The following PARD3B variants were observed in gnomAD, a reference collection of about 807,000 sequenced individuals.
The protein encoded by PARD3B is par-3 family cell polarity regulator beta.
Under a neutral mutation model 130.2 loss-of-function variants are expected in PARD3B, and 103 were observed. The observed-to-expected ratio is 0.79, with a 90% CI of 0.67 to 0.93. The LOEUF (loss-of-function observed/expected upper bound fraction) is 0.93, where lower values mean the gene tolerates loss of function less well. PARD3B is among the 40% of genes least tolerant of loss of function. PARD3B has a pLI of 0.00. For missense variants in PARD3B, 1,609 were observed against 1,499.2 expected (o/e 1.07, Z -1.21); for synonymous variants, 583 against 553.2 (o/e 1.05, Z -0.76).
intron 18 of PARD3B, among the ~76,000 whole-genome samples, chr2:205,353,800 A>C (rs1574784031): frequency 1.3e-5 from 2 of 152,286 alleles, no homozygotes; most frequent in East Asian, 3.9e-4. Flanking sequence ...AGAAACAAAA[A>C]CATAGTGAAA....
intron 18 of PARD3B, among the ~76,000 whole-genome samples, chr2:205,304,169 C>T (rs900986053): frequency 2.0e-5 from 3 of 152,178 alleles, no homozygotes; most frequent in Non-Finnish European, 2.9e-5. Context: ...AGTGAGCCTT[C>T]CCGTTACATT....
chr2:204,918,305 T>A (rs1164940371), intron 2 of PARD3B, among the ~76,000 whole-genome samples: 1 of 152,242 alleles, frequency 6.6e-6, no homozygotes, highest in South Asian at 2.1e-4. Flanking sequence ...AGAAATTTCT[T>A]TGCTAGACTT....
At chr2:204,892,281 A>T (rs111324119) in intron 2 of PARD3B, among the ~76,000 whole-genome samples, 2,732 of 152,176 alleles carry the variant, frequency 0.018, 55 homozygotes, top group East Asian at 0.11. Flanking sequence ...CTGTGGAGAG[A>T]GTTGGAGGTG....
At chr2:204,631,152 C>A (rs149916676) in intron 1 of PARD3B, among the ~76,000 whole-genome samples, 5 of 151,990 alleles carry the variant, frequency 3.3e-5, no homozygotes, top group Admixed American at 6.6e-5. Flanking sequence ...GTACAGCTAT[C>A]TTTTTCTCAT....
At chr2:205,077,219 G>A (rs1376774492) in intron 4 of PARD3B, among the ~76,000 whole-genome samples, 1 of 152,078 alleles carries the variant, frequency 6.6e-6, no homozygotes, top group Admixed American at 6.6e-5. Flanking sequence ...AAAGCCACAG[G>A]TACTTGAAAA....
intron 1 of PARD3B, among the ~76,000 whole-genome samples, chr2:204,563,214 GCTGTCTCTCTCTCT>G (rs1366141203): frequency 2.5e-4 from 14 of 55,022 alleles, no homozygotes; most frequent in African/African-American, 8.1e-4. Flanking sequence ...CCGTCTTCCC[GCTGTCTCTCTCTCT>G]CTCTCTCTCT....
At chr2:205,257,526 G>A (rs1029513355) in intron 16 of PARD3B, among the ~76,000 whole-genome samples, 6 of 152,124 alleles carry the variant, frequency 3.9e-5, no homozygotes, top group African/African-American at 1.4e-4. Flanking sequence ...ACTGTAGGTT[G>A]ATTTAGTAGT....
chr2:204,711,928 A>T (rs745363245), intron 2 of PARD3B, among the ~76,000 whole-genome samples: 2 of 152,172 alleles, frequency 1.3e-5, no homozygotes, highest in Non-Finnish European at 1.5e-5. Flanking sequence ...TGTAGTTGGA[A>T]ATGGAAGAAT....
chr2:205,534,055 CAAAAA>C (rs71410823), intron 21 of PARD3B, among the ~76,000 whole-genome samples: 2 of 129,418 alleles, frequency 1.5e-5, no homozygotes, highest in African/African-American at 3.0e-5. Flanking sequence ...GTGAAAAAGC[CAAAAA>C]AAAAAAAAAG....
chr2:205,029,125 A>G (rs1249573930), intron 3 of PARD3B, among the ~76,000 whole-genome samples: 4 of 152,156 alleles, frequency 2.6e-5, no homozygotes, highest in Non-Finnish European at 4.4e-5. Context: ...TGCTAGCCCT[A>G]TCTCAGTTTC....
intron 2 of PARD3B, among the ~76,000 whole-genome samples, chr2:204,716,481 C>T (rs2038732064): frequency 6.6e-6 from 1 of 152,044 alleles, no homozygotes; most frequent in African/African-American, 2.4e-5. Flanking sequence ...AGGAGTGACT[C>T]TTCAATGAGA....
chr2:204,635,252 C>T (rs1338933176), intron 1 of PARD3B, among the ~76,000 whole-genome samples: 1 of 152,110 alleles, frequency 6.6e-6, no homozygotes, highest in Non-Finnish European at 1.5e-5. Flanking sequence ...GGACGAGGAT[C>T]AGCTGTTTCT....
intron 2 of PARD3B, among the ~76,000 whole-genome samples, chr2:204,846,745 A>T (rs1380514862): frequency 6.6e-6 from 1 of 151,204 alleles, no homozygotes; most frequent in African/African-American, 2.4e-5. Flanking sequence ...TTCTTCGTAC[A>T]GATGACACAT....
intron 3 of PARD3B, among the ~76,000 whole-genome samples, chr2:204,978,328 A>G (rs778573548): frequency 3.9e-5 from 6 of 152,240 alleles, no homozygotes; most frequent in Admixed American, 6.5e-5. Context: ...ATTAATGTCT[A>G]TTAGGCATGG....
At chr2:205,033,366 T>C (rs1697561507) in intron 3 of PARD3B, among the ~76,000 whole-genome samples, 1 of 152,174 alleles carries the variant, frequency 6.6e-6, no homozygotes, top group African/African-American at 2.4e-5. Context: ...AACCAGTTCC[T>C]CAATACTTGA....
chr2:204,889,047 C>T (rs564042496), intron 2 of PARD3B, among the ~76,000 whole-genome samples: 1 of 152,248 alleles, frequency 6.6e-6, no homozygotes, highest in Non-Finnish European at 1.5e-5. Context: ...TTGCTGGACT[C>T]CCAGAGCTCA....
At chr2:204,849,668 C>G (rs566825223) in intron 2 of PARD3B, among the ~76,000 whole-genome samples, 1 of 152,126 alleles carries the variant, frequency 6.6e-6, no homozygotes, top group African/African-American at 2.4e-5. Context: ...GTTAGTGACA[C>G]GTTACTTAGC....
At chr2:204,804,202 C>A (rs145235159) in intron 2 of PARD3B, among the ~76,000 whole-genome samples, 1 of 152,092 alleles carries the variant, frequency 6.6e-6, no homozygotes, top group Non-Finnish European at 1.5e-5. Flanking sequence ...ATACTCCAGC[C>A]TAGGCGACAG....
chr2:205,609,849 A>G (rs185830173), intron 22 of PARD3B, among the ~76,000 whole-genome samples: 16 of 152,224 alleles, frequency 1.1e-4, no homozygotes, highest in Non-Finnish European at 2.1e-4. Flanking sequence ...AACTTCATCT[A>G]TCCTTCCACA....
Sources: gnomAD v4.1 joint callset for allele counts (sites outside exome capture counted in the v4.1 genomes callset) on GRCh38, gnomAD v4.1.1 for gene constraint, MANE v1.5 for transcripts, NCBI Gene and HGNC (gene_info 2026-07-23, HGNC 2026-07-21) for gene names.